The following CDH5 variants were observed in gnomAD, a reference collection of about 807,000 sequenced individuals.
CDH5 encodes cadherin 5, also known as cadherin-5.
In CDH5, 28 loss-of-function variants were observed where a neutral mutation model predicts 62.0. The observed-to-expected ratio is 0.45, with a 90% CI of 0.33 to 0.62. CDH5 has a LOEUF of 0.62. Ranked by LOEUF, CDH5 falls within the 20% of genes least tolerant of loss-of-function variation. The probability of loss-of-function intolerance (pLI) is 0.02; values close to 1 mark genes in which losing one functional copy is unlikely to be tolerated. For synonymous variants in CDH5, 464 were observed against 445.8 expected, an observed-to-expected ratio of 1.04 and a Z score of -0.52; for missense variants, 940 against 1,065.1, an observed-to-expected ratio of 0.88 and a Z score of 1.63.
In CDH5 at chr16:66,379,392, G is replaced by A; in HGVS notation, c.55G>A (p.Ala19Thr). 6.2e-7 allele frequency: 1 copy of A among 1,613,588 alleles called. No individual in the cohort carries two copies. The highest frequency in any genetic ancestry group is 1.1e-5 in the South Asian group (1 of 91,066). The part of the protein sequence containing the change: ...ATSGACLGLL[A>T]VAAVAAAGAN... ...ATCGGGCGCCTGCCTGGGCCTGCTG[G>A]CAGTGGCAGCAGTGGCAGCAGCAGG... Residue 19 changes from alanine to threonine, a missense_variant, in exon 2 of 12, where the codon GCA becomes ACA. By Grantham distance (58) the Ala-to-Thr change is moderately conservative. Coordinates refer to ENST00000341529, the MANE Select transcript of CDH5 (RefSeq NM_001795.5).
rs561862688 is a variant in CDH5, at chr16:66,367,290, G to A, written c.-20+532G>A. Among the ~76,000 whole-genome samples the A allele has an allele frequency of 9.8e-5, 15 of 152,334 alleles. 1 individual carries two copies. The South Asian group carries it at 2.5e-3, about 25-fold the overall frequency. ...CCTTGGCCCCTCTCGGTCAGCCAGT[G>A]CCCCCATTTCAGGATAGGCAAGCTG... is the stretch of plus-strand genomic sequence containing the variant. On this transcript the variant is annotated intron_variant, in intron 1 of 11. Transcript: ENST00000341529.
chr16:66,404,063 G>T lies in CDH5; in HGVS notation c.*894G>T, dbSNP rs993537406. ...GGCAGATGTTCCCGGAGCAGAAGAC[G>T]TCTCCCCTTCTCTGCCTCACCTGGT... On this transcript the variant is annotated 3_prime_UTR_variant, in exon 12 of 12. Coordinates refer to ENST00000341529, the MANE Select transcript of CDH5 (RefSeq NM_001795.5). 1 of 152,432 alleles carries T rather than the reference G, an allele frequency of 6.6e-6. No homozygotes were observed. The highest frequency in any genetic ancestry group is 1.5e-5 in the Non-Finnish European group (1 of 68,070). The allele number at this position is 152,432 out of a possible 1,614,324, so 9.4% of individuals were successfully genotyped here. A position where few individuals can be genotyped will look rare whatever the true frequency, so the allele number is the denominator to read the frequency against.
intron 2 of CDH5, among the ~76,000 whole-genome samples, chr16:66,382,113 T>C (rs1960908920): frequency 6.6e-6 from 1 of 152,214 alleles, no homozygotes; most frequent in African/African-American, 2.4e-5. Flanking sequence ...CATCCCATGC[T>C]CAGACTGAGA....
chr16:66,401,265 G>A (rs964823832), intron 11 of CDH5, among the ~76,000 whole-genome samples: 1 of 152,162 alleles, frequency 6.6e-6, no homozygotes, highest in African/African-American at 2.4e-5. Flanking sequence ...CCTCCCCCAC[G>A]CATCAGGCCA....
chr16:66,398,601 C>A (rs764197556), intron 10 of CDH5, 40 bp downstream of exon 10: 8 of 1,051,802 alleles, frequency 7.6e-6, no homozygotes, highest in East Asian at 2.4e-5. Flanking sequence ...GCGTGATGAC[C>A]CACACCTGTA....
chr16:66,372,044 C>T (rs868753595), intron 1 of CDH5, among the ~76,000 whole-genome samples: 1 of 152,164 alleles, frequency 6.6e-6, no homozygotes, highest in Non-Finnish European at 1.5e-5. Context: ...AGATGGACGC[C>T]CACAAAGGGA....
In CDH5 at chr16:66,398,034, T is replaced by C; in HGVS notation, c.1413T>C (p.Asp471=). The change falls in exon 9 of 12, where the codon GAT becomes GAC. Residue 471 remains aspartate (D), a synonymous_variant. Coordinates refer to ENST00000341529, the MANE Select transcript of CDH5 (RefSeq NM_001795.5). ...TGCAAGTCCACATTGAAGTTTTGGATGAGAATGACAATGCCCCGGAGTTTG... is the reference window on the plus strand; with the variant it reads ...TGCAAGTCCACATTGAAGTTTTGGACGAGAATGACAATGCCCCGGAGTTTG... ...SIVQVHIEVL[D]ENDNAPEFAK... 1.2e-6 allele frequency: 2 copies of C among 1,614,106 alleles called. No individual in the cohort carries two copies. The highest frequency in any genetic ancestry group is 3.3e-4 in the Middle Eastern group (2 of 6,062).
At chr16:66,386,338 A>G (rs763789240) in intron 2 of CDH5, among the ~76,000 whole-genome samples, 1 of 151,514 alleles carries the variant, frequency 6.6e-6, no homozygotes, top group Non-Finnish European at 1.5e-5. Flanking sequence ...TGTATATTGC[A>G]TATTCGTGGG....
intron 8 of CDH5, 49 bp downstream of exon 8, chr16:66,396,250 C>T (rs780465791): frequency 1.2e-6 from 2 of 1,609,122 alleles, no homozygotes; most frequent in East Asian, 2.2e-5. Context: ...CCTTTTCCCT[C>T]ATTCTTCCAA....
intron 2 of CDH5, among the ~76,000 whole-genome samples, chr16:66,385,839 A>G (rs1960973320): frequency 6.6e-6 from 1 of 152,240 alleles, no homozygotes. Flanking sequence ...TTTAATTTGT[A>G]ATAGTGGCTG....
chr16:66,379,978 G>T (rs1398386526), intron 2 of CDH5, among the ~76,000 whole-genome samples: 7 of 38,998 alleles, frequency 1.8e-4, no homozygotes, highest in African/African-American at 2.0e-4. Context: ...AGGTGTTGGT[G>T]GTGATCACGG....
In CDH5 at chr16:66,386,838, C is replaced by A. The variant is rs1478775990; in HGVS notation, c.240C>A (p.Ala80=). 6.2e-7 allele frequency: 1 copy of A among 1,612,994 alleles called. No homozygotes were observed. The change falls in exon 3 of 12, where the codon GCC becomes GCA. Residue 80 remains alanine (A), a synonymous_variant. Transcript: ENST00000341529. ...KIKSSVSRKN[A]KYLLKGEYVG... ...AGTCAAGCGTGAGTCGCAAGAATGCCAAGTACCTGCTCAAAGGAGAATATG... is the reference window on the plus strand; with the variant it reads ...AGTCAAGCGTGAGTCGCAAGAATGCAAAGTACCTGCTCAAAGGAGAATATG...
At chr16:66,382,227 C>T (rs1038421126) in intron 2 of CDH5, among the ~76,000 whole-genome samples, 2 of 152,190 alleles carry the variant, frequency 1.3e-5, no homozygotes, top group Non-Finnish European at 2.9e-5. Flanking sequence ...TAGCATCTGA[C>T]AAAATTGGAT....
Position 66,402,720 on chromosome 16 carries a change from C to A in CDH5, c.1906C>A (p.Pro636Thr), listed in dbSNP as rs890134396. 1.2e-6 allele frequency: 2 copies of A among 1,609,760 alleles called. No homozygotes were observed. Among genetic ancestry groups the A allele is most frequent in the Non-Finnish European group, 1.7e-6 (2 of 1,179,136 alleles). Residue 636 changes from proline to threonine, a missense_variant, in exon 12 of 12, where the codon CCG becomes ACG. By Grantham distance (38) the Pro-to-Thr change is conservative (BLOSUM62 -1). Transcript: ENST00000341529. Reference sequence around the variant, plus strand: ...GGCCCGCGCGCACGGCAAGAGCGTGCCGGAGATCCACGAGCAGCTGGTCAC... The same window carrying A: ...GGCCCGCGCGCACGGCAAGAGCGTGACGGAGATCCACGAGCAGCTGGTCAC... ...KQARAHGKSV[P>T]EIHEQLVTYD...
intron 2 of CDH5, 105 bp downstream of exon 2, chr16:66,379,652 G>T: frequency 1.0e-6 from 1 of 966,190 alleles, no homozygotes; most frequent in Non-Finnish European, 1.6e-6. Flanking sequence ...AGATATTGTG[G>T]TGGTTGTAGG....
chr16:66,403,503 G>A lies in CDH5; in HGVS notation c.*334G>A, dbSNP rs939139143. ...CCAAGGCTGCAAAGCAAAACAGACT[G>A]TGTTTAACTGCTGCAGGGTCTTTTT... is the stretch of plus-strand genomic sequence containing the variant. On this transcript the variant is annotated 3_prime_UTR_variant, in exon 12 of 12. Coordinates refer to ENST00000341529, the MANE Select transcript of CDH5 (RefSeq NM_001795.5). This position sits in a 1 kb window ranked among gnomAD's most constrained non-coding sequence, Gnocchi z 4.3. 5.8e-6 allele frequency: 2 copies of A among 342,266 alleles called. No individual in the cohort carries two copies. Among genetic ancestry groups the A allele is most frequent in the Non-Finnish European group, 1.1e-5 (2 of 183,436 alleles). 21.2% of individuals were successfully genotyped at this position (342,266 alleles called of 1,614,324 possible). A position where few individuals can be genotyped will look rare whatever the true frequency, so the allele number is the denominator to read the frequency against.
chr16:66,398,959 A>C (rs1421793064), intron 10 of CDH5, among the ~76,000 whole-genome samples: 1 of 152,216 alleles, frequency 6.6e-6, no homozygotes, highest in Non-Finnish European at 1.5e-5. Flanking sequence ...CGTCGCCTGC[A>C]AGGAGCCAGC....
At chr16:66,395,920 GCAGA>G in intron 7 of CDH5, 135 bp from the exon 8 acceptor site, 2 of 762,760 alleles carry the variant, frequency 2.6e-6, no homozygotes, top group South Asian at 2.0e-5. Flanking sequence ...TGTCTGAGTG[GCAGA>G]GTGCAATGAG....
At chr16:66,381,833 C>T (rs1410041222) in intron 2 of CDH5, among the ~76,000 whole-genome samples, 1 of 152,244 alleles carries the variant, frequency 6.6e-6, no homozygotes, top group Non-Finnish European at 1.5e-5. Context: ...CAGCTGCTTT[C>T]ATGCTACAAT....
Sources: allele counts gnomAD v4.1 joint callset (sites outside exome capture counted in the v4.1 genomes callset), GRCh38; gene constraint gnomAD v4.1.1; non-coding constraint Gnocchi (gnomAD v3.1); transcripts MANE v1.5; gene names NCBI Gene and HGNC (gene_info 2026-07-23, HGNC 2026-07-21).